STAG1: variants seen among roughly 807,000 people sequenced by gnomAD.
The protein encoded by STAG1 is STAG1 cohesin complex component, also known as cohesin subunit SA-1.
Under a neutral mutation model 170.9 loss-of-function variants are expected in STAG1, and 26 were observed. The ratio of observed to expected loss-of-function variants is 0.15; its 90% confidence interval spans 0.11 to 0.21. The LOEUF is 0.21. Ranked by LOEUF, STAG1 falls within the 10% of genes least tolerant of loss-of-function variation. The pLI is 1.00. For missense variants in STAG1, 964 were observed against 1,509.5 expected, an observed-to-expected ratio of 0.64 and a Z score of 5.99; for synonymous variants, 514 against 497.7, an observed-to-expected ratio of 1.03 and a Z score of -0.44.
chr3:136,649,503 C>CAAAAAAAAAAAAAAAAAAAAAA (rs761067087), intron 1 of STAG1, among the ~76,000 whole-genome samples: 3 of 70,868 alleles, frequency 4.2e-5, no homozygotes, highest in African/African-American at 9.0e-5. Context: ...AAAACAGAAA[C>CAAAAAAAAAAAAAAAAAAAAAA]AAAAAAAAAA....
intron 9 of STAG1, among the ~76,000 whole-genome samples, chr3:136,489,924 T>C (rs1215212294): frequency 6.6e-6 from 1 of 152,132 alleles, no homozygotes; most frequent in African/African-American, 2.4e-5. Context: ...TTTTGAAAGG[T>C]AGTAATGTGT....
intron 3 of STAG1, among the ~76,000 whole-genome samples, chr3:136,610,635 A>G (rs1428447040): frequency 1.3e-5 from 2 of 152,244 alleles, no homozygotes; most frequent in Non-Finnish European, 2.9e-5. Flanking sequence ...ACTTTAAAAA[A>G]GAATTACAAA....
chr3:136,486,529 C>G (rs547923543), intron 9 of STAG1, among the ~76,000 whole-genome samples: 2 of 152,092 alleles, frequency 1.3e-5, no homozygotes, highest in East Asian at 3.9e-4. Flanking sequence ...GTATCTCTGC[C>G]GAGGATCCAT....
intron 1 of STAG1, among the ~76,000 whole-genome samples, chr3:136,700,560 C>T (rs1166055579): frequency 1.3e-5 from 2 of 151,832 alleles, no homozygotes; most frequent in East Asian, 3.9e-4. Context: ...GCTGGGATTA[C>T]AGGTGCCCGC....
At chr3:136,647,950 T>C (rs1473862581) in intron 1 of STAG1, among the ~76,000 whole-genome samples, 2 of 152,244 alleles carry the variant, frequency 1.3e-5, no homozygotes, top group Admixed American at 6.5e-5. Flanking sequence ...TGTTGATGTT[T>C]ATAGTGCTTC....
intron 1 of STAG1, among the ~76,000 whole-genome samples, chr3:136,750,207 G>A (rs1183863444): frequency 6.6e-6 from 1 of 152,064 alleles, no homozygotes; most frequent in Non-Finnish European, 1.5e-5. Flanking sequence ...TAAAGAGATG[G>A]AGTCTTGTAT....
intron 1 of STAG1, among the ~76,000 whole-genome samples, chr3:136,720,584 G>C (rs1468175836): frequency 6.6e-6 from 1 of 152,138 alleles, no homozygotes; most frequent in Non-Finnish European, 1.5e-5. Context: ...GAGGTCAGGA[G>C]TTCAAGTCCA....
At chr3:136,624,758 T>G (rs1413101765) in intron 2 of STAG1, among the ~76,000 whole-genome samples, 1 of 152,232 alleles carries the variant, frequency 6.6e-6, no homozygotes, top group African/African-American at 2.4e-5. Context: ...TTTCACGGTG[T>G]ACATATTCCT....
intron 5 of STAG1, among the ~76,000 whole-genome samples, chr3:136,567,638 A>G (rs1289889159): frequency 1.3e-5 from 2 of 151,852 alleles, no homozygotes; most frequent in Non-Finnish European, 2.9e-5. Flanking sequence ...GGGGACACAC[A>G]CTCCAGGTGA....
At chr3:136,375,650 T>C (rs892280562) in intron 23 of STAG1, among the ~76,000 whole-genome samples, 7 of 152,074 alleles carry the variant, frequency 4.6e-5, no homozygotes, top group African/African-American at 1.7e-4. Context: ...GCAGGTCTGA[T>C]GCAGAAACAC....
intron 5 of STAG1, among the ~76,000 whole-genome samples, chr3:136,545,488 G>C (rs1467754632): frequency 6.6e-6 from 1 of 152,144 alleles, no homozygotes; most frequent in South Asian, 2.1e-4. Flanking sequence ...AAGAAATGTT[G>C]AGTCTACTAA....
intron 2 of STAG1, among the ~76,000 whole-genome samples, chr3:136,630,050 C>A (rs1343115803): frequency 6.6e-6 from 1 of 152,020 alleles, no homozygotes; most frequent in East Asian, 1.9e-4. Flanking sequence ...CAAAAATTAG[C>A]CGGGCATGGT....
At position 136,433,473 on chromosome 3, in the gene STAG1, A is replaced by G; in HGVS notation, c.1650+83T>C. 4 of 948,922 alleles carry G rather than the reference A, an allele frequency of 4.2e-6. No homozygotes were observed. The South Asian group carries it at 4.5e-5, about 11-fold the overall frequency. The allele number at this position is 948,922 out of a possible 1,614,324, so 58.8% of individuals were successfully genotyped here. ...AAAACACCATGTTTTTAGGGATACA[A>G]ATATCAGTAAAATTTCCAAATATTT... On this transcript the variant is annotated intron_variant, in intron 16 of 33. Transcript: ENST00000383202.
chr3:136,662,821 G>A (rs1476470725), intron 1 of STAG1, among the ~76,000 whole-genome samples: 2 of 152,188 alleles, frequency 1.3e-5, no homozygotes, highest in South Asian at 2.1e-4. Context: ...GGGAGCCAAC[G>A]TGCGTGGATC....
At position 136,464,986 on chromosome 3, in the gene STAG1, C is replaced by G; in HGVS notation, c.1208G>C (p.Gly403Ala). 1 of 1,602,536 alleles carries G rather than the reference C, an allele frequency of 6.2e-7. No individual in the cohort carries two copies. Among genetic ancestry groups the G allele is most frequent in the Middle Eastern group, 1.7e-4 (1 of 6,036 alleles). ...AIRLVTLILH[G>A]SEEALSNEDC... is the part of the protein sequence containing the mutation. ...TTCATTGGAAAGAGCTTCTTCACTTCCACTGAAAAATACAGAAAGTAACAT... is the reference window on the plus strand; with the variant it reads ...TTCATTGGAAAGAGCTTCTTCACTTGCACTGAAAAATACAGAAAGTAACAT... Residue 403 changes from glycine to alanine, a missense_variant and splice_region_variant, in exon 13 of 34, where the codon GGA (glycine) becomes GCA (alanine). Transcript: ENST00000383202.
At chr3:136,584,641 C>CA in intron 4 of STAG1, among the ~76,000 whole-genome samples, 1 of 152,202 alleles carries the variant, frequency 6.6e-6, no homozygotes, top group Non-Finnish European at 1.5e-5. Context: ...AAGATACATC[C>CA]AATATCTTTC....
chr3:136,727,305 G>A (rs1197391429), intron 1 of STAG1, among the ~76,000 whole-genome samples: 1 of 152,084 alleles, frequency 6.6e-6, no homozygotes. Context: ...CTATGTTTAT[G>A]ATCATTTCCC....
At chr3:136,626,853 G>T (rs896390227) in intron 2 of STAG1, among the ~76,000 whole-genome samples, 1 of 152,180 alleles carries the variant, frequency 6.6e-6, no homozygotes, top group Admixed American at 6.5e-5. Flanking sequence ...GTCCACAGTC[G>T]CACACTTAGT....
At chr3:136,492,735 G>A (rs928658793) in intron 9 of STAG1, among the ~76,000 whole-genome samples, 1 of 152,052 alleles carries the variant, frequency 6.6e-6, no homozygotes, top group Non-Finnish European at 1.5e-5. Context: ...GGAATAACAC[G>A]ATACAATAAC....
Sources: gnomAD v4.1 joint callset for allele counts (sites outside exome capture counted in the v4.1 genomes callset) on GRCh38, gnomAD v4.1.1 for gene constraint, MANE v1.5 for transcripts, NCBI Gene and HGNC (gene_info 2026-07-23, HGNC 2026-07-21) for gene names.